The following CNTNAP2 variants were observed in gnomAD, a reference collection of about 807,000 sequenced individuals.
The protein encoded by CNTNAP2 is contactin-associated protein-like 2.
CNTNAP2 carries 98 observed loss-of-function variants against 155.2 expected under a neutral mutation model. The ratio of observed to expected loss-of-function variants is 0.63; its 90% CI spans 0.54 to 0.75. The LOEUF (loss-of-function observed/expected upper bound fraction) is 0.75. Ranked by LOEUF, CNTNAP2 falls within the 30% of genes least tolerant of loss-of-function variation. The probability of loss-of-function intolerance (pLI) is 0.00; values close to 1 mark genes in which losing one functional copy is unlikely to be tolerated. For synonymous variants in CNTNAP2, 651 were observed against 631.2 expected, an observed-to-expected ratio of 1.03 and a Z score of -0.47; for missense variants, 1,727 against 1,688.1, an observed-to-expected ratio of 1.02 and a Z score of -0.40.
chr7:147,518,227 A>C (rs970502166), intron 11 of CNTNAP2, among the ~76,000 whole-genome samples: 9 of 152,242 alleles, frequency 5.9e-5, no homozygotes, highest in African/African-American at 1.9e-4. Context: ...ACATAGAAAC[A>C]ACTAAACTTT....
chr7:147,106,256 T>C (rs1800763147), intron 4 of CNTNAP2, among the ~76,000 whole-genome samples: 1 of 152,128 alleles, frequency 6.6e-6, no homozygotes, highest in African/African-American at 2.4e-5. Flanking sequence ...GAATTTACTG[T>C]CATCTGTTTT....
intron 1 of CNTNAP2, among the ~76,000 whole-genome samples, chr7:146,561,484 GTC>G (rs1159330036): frequency 6.6e-6 from 1 of 151,944 alleles, no homozygotes; most frequent in Non-Finnish European, 1.5e-5. Flanking sequence ...ATGAGACCCT[GTC>G]TCTCCATTTT....
intron 1 of CNTNAP2, among the ~76,000 whole-genome samples, chr7:146,357,943 A>T (rs554785582): frequency 6.6e-6 from 1 of 151,850 alleles, no homozygotes. Flanking sequence ...GGACTATACA[A>T]CCACACATTA....
At chr7:146,961,782 A>G (rs12703864) in intron 3 of CNTNAP2, among the ~76,000 whole-genome samples, 55,185 of 151,926 alleles carry the variant, frequency 0.36, 10,536 homozygotes, top group Middle Eastern at 0.43. Flanking sequence ...GGTGCTCATG[A>G]GCTATTAGGA....
intron 1 of CNTNAP2, among the ~76,000 whole-genome samples, chr7:146,648,977 T>C (rs1799861329): frequency 6.6e-6 from 1 of 152,074 alleles, no homozygotes; most frequent in Non-Finnish European, 1.5e-5. Context: ...TGCTTTGTAG[T>C]AGACAGAAGA....
chr7:146,644,409 T>C (rs1291352327), intron 1 of CNTNAP2, among the ~76,000 whole-genome samples: 1 of 152,220 alleles, frequency 6.6e-6, no homozygotes, highest in Non-Finnish European at 1.5e-5. Flanking sequence ...TCTATTGAGA[T>C]AATCATGTGG....
chr7:148,007,875 A>T (rs1451809808), intron 15 of CNTNAP2, among the ~76,000 whole-genome samples: 1 of 152,176 alleles, frequency 6.6e-6, no homozygotes, highest in African/African-American at 2.4e-5. Context: ...CTCCTGGCCT[A>T]AAAAGGTATC....
At chr7:147,157,987 T>A (rs531197219) in intron 8 of CNTNAP2, among the ~76,000 whole-genome samples, 1 of 152,082 alleles carries the variant, frequency 6.6e-6, no homozygotes, top group African/African-American at 2.4e-5. Context: ...AAATCAGCAA[T>A]AACAAAAACA....
chr7:146,585,212 C>G (rs1798670646), intron 1 of CNTNAP2, among the ~76,000 whole-genome samples: 1 of 152,114 alleles, frequency 6.6e-6, no homozygotes, highest in Non-Finnish European at 1.5e-5. Context: ...ACCTCTGACT[C>G]CCTGGTTCAA....
intron 3 of CNTNAP2, among the ~76,000 whole-genome samples, chr7:146,931,046 G>C (rs1796744674): frequency 6.6e-6 from 1 of 151,926 alleles, no homozygotes. Context: ...AAGTTAACAA[G>C]GATACCCAGG....
intron 21 of CNTNAP2, among the ~76,000 whole-genome samples, chr7:148,349,369 G>A (rs1180512118): frequency 6.6e-6 from 1 of 150,674 alleles, no homozygotes; most frequent in Non-Finnish European, 1.5e-5. Context: ...AACACTAACG[G>A]TAGCTAATGA....
chr7:146,485,050 C>A (rs890281903), intron 1 of CNTNAP2, among the ~76,000 whole-genome samples: 2 of 151,906 alleles, frequency 1.3e-5, no homozygotes, highest in African/African-American at 2.4e-5. Flanking sequence ...TTTGTTCTTT[C>A]TGATTTTGCC....
intron 1 of CNTNAP2, among the ~76,000 whole-genome samples, chr7:146,572,073 T>C (rs1444987578): frequency 6.6e-5 from 10 of 152,186 alleles, no homozygotes; most frequent in Non-Finnish European, 1.2e-4. Context: ...AAATATATTC[T>C]AGGGTTCTTT....
chr7:148,027,918 T>C (rs1367218417), intron 15 of CNTNAP2, among the ~76,000 whole-genome samples: 1 of 152,190 alleles, frequency 6.6e-6, no homozygotes, highest in African/African-American at 2.4e-5. Context: ...ATGATTATTT[T>C]ATGTTAATTA....
At chr7:148,281,277 C>G (rs1241261185) in intron 21 of CNTNAP2, among the ~76,000 whole-genome samples, 1 of 152,194 alleles carries the variant, frequency 6.6e-6, no homozygotes, top group African/African-American at 2.4e-5. Context: ...GATTAAACTG[C>G]CTGCAACTTC....
Position 147,242,630 on chromosome 7 carries a change from C to A in CNTNAP2, c.1349-57511C>A, listed in dbSNP as rs138212699. ...TTTGCTGCCTGTACCTCAAAGTTTT[C>A]CTTATCGCTCTTTTGATCAAATATA... is the stretch of plus-strand genomic sequence containing the variant. On this transcript the variant is annotated intron_variant, in intron 8 of 23. Coordinates refer to ENST00000361727, the MANE Select transcript of CNTNAP2 (RefSeq NM_014141.6). Among the ~76,000 whole-genome samples, 753 of 152,222 alleles carry A rather than the reference C, an allele frequency of 4.9e-3. 7 individuals are homozygous for A. The highest frequency in any genetic ancestry group is 0.017 in the African/African-American group (717 of 41,550).
intron 8 of CNTNAP2, among the ~76,000 whole-genome samples, chr7:147,153,036 G>A (rs1028030107): frequency 1.3e-5 from 2 of 151,976 alleles, no homozygotes; most frequent in Non-Finnish European, 2.9e-5. Flanking sequence ...CTGGGTGAGG[G>A]AGGAAAGGCA....
At chr7:147,850,894 A>G (rs1352581616) in intron 13 of CNTNAP2, among the ~76,000 whole-genome samples, 1 of 152,208 alleles carries the variant, frequency 6.6e-6, no homozygotes, top group Non-Finnish European at 1.5e-5. Flanking sequence ...ACCAAAAGCA[A>G]TGGCAACAAA....
intron 3 of CNTNAP2, among the ~76,000 whole-genome samples, chr7:147,006,376 A>G (rs1798523885): frequency 6.6e-6 from 1 of 152,024 alleles, no homozygotes; most frequent in African/African-American, 2.4e-5. Context: ...ATCTTTTACA[A>G]ATAGAAATCT....
Sources: allele counts gnomAD v4.1 joint callset (sites outside exome capture counted in the v4.1 genomes callset), GRCh38; gene constraint gnomAD v4.1.1; transcripts MANE v1.5; gene names NCBI Gene and HGNC (gene_info 2026-07-23, HGNC 2026-07-21).